RGPD1: variants seen among roughly 807,000 people sequenced by gnomAD.
The protein encoded by RGPD1 is RANBP2 like and GRIP domain containing 1.
RGPD1 carries 7 observed loss-of-function variants against 40.6 expected under a neutral mutation model. The observed-to-expected ratio is 0.17, with a 90% CI of 0.10 to 0.32. The LOEUF (loss-of-function observed/expected upper bound fraction) is 0.32. RGPD1 is among the 10% of genes least tolerant of loss of function. RGPD1 has a pLI of 1.00. For missense variants in RGPD1, 50 were observed against 472.5 expected, an observed-to-expected ratio of 0.11 and a Z score of 8.29; for synonymous variants, 24 against 167.0, an observed-to-expected ratio of 0.14 and a Z score of 6.60.
At chr2:86,918,217 G>A (rs1323485434) in intron 1 of RGPD1, among the ~76,000 whole-genome samples, 15 of 150,464 alleles carry the variant, frequency 1.0e-4, no homozygotes, top group East Asian at 9.7e-4. Context: ...AATGGTATAA[G>A]GCCTTACCTC....
chr2:86,942,373 G>GT (rs1679878543), intron 1 of RGPD1, 65 bp downstream of exon 1: 1 of 1,440,766 alleles, frequency 6.9e-7, no homozygotes, highest in African/African-American at 1.5e-5. Context: ...ACCTGGCCGG[G>GT]CGGCGGCCTC....
chr2:86,914,241 G>A (rs1407424746), intron 1 of RGPD1, among the ~76,000 whole-genome samples: 1 of 89,994 alleles, frequency 1.1e-5, no homozygotes, highest in East Asian at 3.0e-4. Flanking sequence ...TGGCCGGGCG[G>A]CGGCGGCGGC....
rs1230753113 is a variant in RGPD1 at position 87,010,983 on chromosome 2, G to A, written c.5237-1530G>A. Reference sequence around the variant, plus strand: ...CCTTTCCGAGAGGTGAACACGTTACGCAATTATTAATAATATCCCTGTGGG... The same window carrying A: ...CCTTTCCGAGAGGTGAACACGTTACACAATTATTAATAATATCCCTGTGGG... On this transcript the variant is annotated intron_variant, in intron 22 of 22. Transcript: ENST00000641458. 59 of 183,172 alleles carry A rather than the reference G, an allele frequency of 3.2e-4. 6 individuals carry two copies. The East Asian group carries it at 6.8e-3, about 21-fold the overall frequency. 11.3% of individuals were successfully genotyped at this position (183,172 alleles called of 1,614,324 possible).
Position 86,930,751 on chromosome 2 carries a change from C to G in RGPD1, c.72+16830C>G, listed in dbSNP as rs887487533. 67 of 1,440,892 alleles carry G rather than the reference C, an allele frequency of 4.6e-5. No individual in the cohort carries two copies. In the Middle Eastern group the frequency reaches 1.4e-3, roughly 31 times the overall value. 89.3% of individuals were successfully genotyped at this position (1,440,892 alleles called of 1,614,324 possible). ...CTGCCGTTCCCGCTGCTGGCCCGAGCCATACCTCCACCTACAGCCCCCTGA... is the reference window on the plus strand; with the variant it reads ...CTGCCGTTCCCGCTGCTGGCCCGAGGCATACCTCCACCTACAGCCCCCTGA... On this transcript the variant is annotated intron_variant, in intron 1 of 22. Transcript: ENST00000398193.
At chr2:86,945,530 G>A (rs747971992) in intron 1 of RGPD1, among the ~76,000 whole-genome samples, 158 of 152,296 alleles carry the variant, frequency 1.0e-3, no homozygotes, top group Non-Finnish European at 1.2e-3. Context: ...GTGATGATGC[G>A]TCTGTATATC....
chr2:86,914,933 GGGC>G lies in RGPD1; in HGVS notation c.72+1031_72+1033del, dbSNP rs560666847. The stretch of plus-strand genomic sequence containing the variant: ...CGGAGGCGGCGGCCTCGACCTGGCC[GGGC>G]GGCGGCGGCGGCGGCGGCCTGGCCT... On this transcript the variant is annotated intron_variant, in intron 1 of 22. Coordinates refer to the RGPD1 transcript ENST00000398193. Among the ~76,000 whole-genome samples, 3 of 74,674 alleles carry G rather than the reference GGGC, an allele frequency of 4.0e-5. 1 individual carries two copies. The highest frequency in any genetic ancestry group is 2.2e-4 in the African/African-American group (2 of 9,064). The allele number at this position is 74,674 out of a possible 152,430, so 49.0% of individuals were successfully genotyped here.
intron 1 of RGPD1, among the ~76,000 whole-genome samples, chr2:86,928,031 GA>G (rs1183867858): frequency 1.7e-5 from 2 of 114,818 alleles, no homozygotes; most frequent in African/African-American, 7.3e-5. Flanking sequence ...CAGCAATAAA[GA>G]AAAAAACTTG....
chr2:86,924,606 C>T (rs62148266), intron 1 of RGPD1, among the ~76,000 whole-genome samples: 13,206 of 114,776 alleles, frequency 0.12, 495 homozygotes, highest in Middle Eastern at 0.21. Flanking sequence ...CTAGGACTAC[C>T]GGTATGCTCC....
intron 1 of RGPD1, among the ~76,000 whole-genome samples, chr2:86,944,735 T>C (rs1279705596): frequency 2.0e-5 from 3 of 151,880 alleles, no homozygotes; most frequent in Admixed American, 1.3e-4. Flanking sequence ...TGAGACAAGG[T>C]CTCTTTCTGT....
At chr2:86,964,167 C>T (rs1328915174) in intron 7 of RGPD1, among the ~76,000 whole-genome samples, 1 of 107,614 alleles carries the variant, frequency 9.3e-6, no homozygotes, top group Non-Finnish European at 1.9e-5. Flanking sequence ...CTCAGCCTCC[C>T]GAGTAGCTGG....
At chr2:86,929,592 C>T (rs1440761351) in intron 1 of RGPD1, among the ~76,000 whole-genome samples, 2 of 146,100 alleles carry the variant, frequency 1.4e-5, no homozygotes, top group Non-Finnish European at 3.0e-5. Flanking sequence ...GGCGCCCTTT[C>T]TACAGATGAG....
chr2:86,913,996 C>A (rs1346751561), intron 1 of RGPD1: 2 of 748,028 alleles, frequency 2.7e-6, no homozygotes, highest in South Asian at 5.2e-5. Flanking sequence ...GCGGCGGCGG[C>A]GGCCTCGGCC....
Position 86,942,560 on chromosome 2 carries a change from C to CCT in RGPD1, c.72+252_72+253insCT, listed in dbSNP as rs1341486811. The stretch of plus-strand genomic sequence containing the variant: ...GGCCGGGCGGCGGCGGCGGCCTCGA[C>CCT]GTGGCCCGGCGGCGGCCTCGATGGC... On this transcript the variant is annotated intron_variant, in intron 1 of 22. Transcript: ENST00000641458. Among the ~76,000 whole-genome samples the CCT allele has an allele frequency of 1.8e-3, 231 of 129,482 alleles. 18 individuals are homozygous for CCT. The highest frequency in any genetic ancestry group is 4.2e-3 in the Middle Eastern group (1 of 240). 84.9% of individuals were successfully genotyped at this position (129,482 alleles called of 152,430 possible).
chr2:86,915,243 C>T (rs1677737212), intron 1 of RGPD1, among the ~76,000 whole-genome samples: 1 of 150,806 alleles, frequency 6.6e-6, no homozygotes. Flanking sequence ...TTGCGGTGAG[C>T]CAAGATCGTG....
In RGPD1 at chr2:86,954,691, G is replaced by A. The variant is rs548053216; in HGVS notation, c.402+1041G>A. Among the ~76,000 whole-genome samples the A allele has an allele frequency of 2.8e-5, 4 of 141,232 alleles. No homozygotes were observed. The East Asian group carries it at 8.7e-4, about 31-fold the overall frequency. The allele number at this position is 141,232 out of a possible 152,430, so 92.7% of individuals were successfully genotyped here. A position where few individuals can be genotyped will look rare whatever the true frequency, so the allele number is the denominator to read the frequency against. ...TTCTGGTCTCAAGCATTTTGGATAG[G>A]GGATACTCAACCTGTTTAACCCGAC... On this transcript the variant is annotated intron_variant, in intron 4 of 22. Transcript: ENST00000641458.
At chr2:86,935,949 G>T (rs545123544) in intron 1 of RGPD1, among the ~76,000 whole-genome samples, 2 of 145,534 alleles carry the variant, frequency 1.4e-5, no homozygotes, top group East Asian at 4.1e-4. Context: ...CATTGGATGG[G>T]GGCAGATAAT....
intron 1 of RGPD1, among the ~76,000 whole-genome samples, chr2:86,918,162 C>A (rs371219226): frequency 6.6e-6 from 1 of 150,836 alleles, no homozygotes; most frequent in African/African-American, 2.4e-5. Context: ...GTACTTTAGC[C>A]GAGTACTATA....
At chr2:86,940,943 T>G (rs1679693350), upstream of RGPD1, among the ~76,000 whole-genome samples, 1 of 152,214 alleles carries the variant, frequency 6.6e-6, no homozygotes, top group African/African-American at 2.4e-5. Flanking sequence ...CTCAGAATCA[T>G]CTTTTTCTTT....
chr2:86,942,693 G>A (rs1343082999), intron 1 of RGPD1, among the ~76,000 whole-genome samples: 3 of 142,598 alleles, frequency 2.1e-5, no homozygotes, highest in Admixed American at 1.4e-4. Context: ...CCGGGCGGCG[G>A]TGGCCTCGAC....
Sources: gnomAD v4.1 joint callset for allele counts (sites outside exome capture counted in the v4.1 genomes callset) on GRCh38, gnomAD v4.1.1 for gene constraint, MANE v1.5 for transcripts, NCBI Gene and HGNC (gene_info 2026-07-23, HGNC 2026-07-21) for gene names.